ASNS: variants seen among roughly 807,000 people sequenced by gnomAD.
ASNS encodes asparagine synthetase [glutamine-hydrolyzing].
ASNS carries 37 observed loss-of-function variants against 62.6 expected under a neutral mutation model. The observed-to-expected ratio is 0.59, with a 90% CI of 0.45 to 0.78. The LOEUF is 0.78. ASNS is among the 30% of genes least tolerant of loss of function. The probability of loss-of-function intolerance (pLI) is 0.00; values close to 1 mark genes in which losing one functional copy is unlikely to be tolerated. For synonymous variants in ASNS, 207 were observed against 237.9 expected, an observed-to-expected ratio of 0.87 and a Z score of 1.19; for missense variants, 520 against 682.4, an observed-to-expected ratio of 0.76 and a Z score of 2.65.
At chr7:97,900,363 A>AC in the ASNS span, among the ~76,000 whole-genome samples, 1 of 144,810 alleles carries the variant, frequency 6.9e-6, no homozygotes, top group Non-Finnish European at 1.5e-5. Context: ...TTTGTCTCAA[A>AC]AAAAAAAAAA....
chr7:97,892,858 G>A, the ASNS span, among the ~76,000 whole-genome samples: 4 of 152,166 alleles, frequency 2.6e-5, no homozygotes, highest in Non-Finnish European at 4.4e-5. Flanking sequence ...ACATTTTCCT[G>A]TCTCCTTCTG....
the ASNS span, among the ~76,000 whole-genome samples, chr7:97,894,160 AT>A: frequency 2.0e-5 from 3 of 151,784 alleles, no homozygotes; most frequent in South Asian, 4.1e-4. Context: ...GACATCAAAA[AT>A]TTTTTTTAAA....
the ASNS span, among the ~76,000 whole-genome samples, chr7:97,878,261 G>A: frequency 3.3e-5 from 5 of 152,118 alleles, no homozygotes; most frequent in Non-Finnish European, 5.9e-5. Context: ...GGTGGCACAC[G>A]TCTCTAACAA....
the ASNS span, among the ~76,000 whole-genome samples, chr7:97,910,337 A>T: frequency 1.3e-5 from 2 of 152,328 alleles, no homozygotes; most frequent in Admixed American, 6.5e-5. Flanking sequence ...AATAATTTTT[A>T]AAAAGGCACT....
At chr7:97,886,687 TG>T in the ASNS span, among the ~76,000 whole-genome samples, 1 of 152,030 alleles carries the variant, frequency 6.6e-6, no homozygotes, top group Non-Finnish European at 1.5e-5. Flanking sequence ...GACGTGGGGC[TG>T]CCAAATGCAA....
rs764643930 is a variant in ASNS, at chr7:97,867,100, T to C, written c.249+1808A>G. ...CCAAACTCCAATGCTGCACCTTAAA[T>C]AAAAGCCCTCAAATCTTGCCTCCTG... On this transcript the variant is annotated intron_variant, in intron 3 of 12. Coordinates refer to ENST00000394308, the MANE Select transcript of ASNS (RefSeq NM_001673.5). Among the ~76,000 whole-genome samples the C allele has an allele frequency of 2.7e-5, 4 of 150,372 alleles. 1 individual carries two copies. The highest frequency in any genetic ancestry group is 4.5e-5 in the Non-Finnish European group (3 of 67,250).
the ASNS span, among the ~76,000 whole-genome samples, chr7:97,907,379 A>G: frequency 1.6e-3 from 238 of 152,344 alleles, no homozygotes; most frequent in Middle Eastern, 3.4e-3. Flanking sequence ...TGAGTGTGAA[A>G]TATCTCATGG....
intron 4 of ASNS, among the ~76,000 whole-genome samples, chr7:97,862,768 C>CA (rs528357189): frequency 0.01 from 1,302 of 129,248 alleles, 11 homozygotes; most frequent in African/African-American, 0.03. Flanking sequence ...TAAAACTGCT[C>CA]AAAAAAAAAA....
At chr7:97,909,501 G>A in the ASNS span, among the ~76,000 whole-genome samples, 1 of 49,022 alleles carries the variant, frequency 2.0e-5, no homozygotes, top group South Asian at 7.8e-4. Flanking sequence ...TAGAGATGAG[G>A]TTTCATCATG....
chr7:97,874,409 T>C (rs1235617848), upstream of ASNS, among the ~76,000 whole-genome samples: 1 of 152,238 alleles, frequency 6.6e-6, no homozygotes, highest in Non-Finnish European at 1.5e-5. Context: ...TTACAGGTCC[T>C]GAGACGATAT....
At chr7:97,910,171 G>T in the ASNS span, among the ~76,000 whole-genome samples, 1 of 152,196 alleles carries the variant, frequency 6.6e-6, no homozygotes, top group African/African-American at 2.4e-5. Flanking sequence ...CATGAGATCA[G>T]CTGGGAGCTT....
the ASNS span, chr7:97,898,409 A>G: frequency 3.9e-6 from 2 of 517,426 alleles, no homozygotes; most frequent in South Asian, 1.6e-5. Context: ...TCTCGTCCCT[A>G]GTGGGTTTTC....
chr7:97,855,101 C>T (rs552912351), intron 9 of ASNS: 2 of 424,074 alleles, frequency 4.7e-6, no homozygotes, highest in South Asian at 6.9e-5. Context: ...CCTCAGCCTC[C>T]TCAGCAGCTG....
chr7:97,903,904 C>T, the ASNS span, among the ~76,000 whole-genome samples: 1 of 152,128 alleles, frequency 6.6e-6, no homozygotes, highest in Non-Finnish European at 1.5e-5. Flanking sequence ...ATAATTAGTA[C>T]AGGATATATC....
the ASNS span, among the ~76,000 whole-genome samples, chr7:97,878,004 G>C: frequency 6.6e-6 from 1 of 152,206 alleles, no homozygotes; most frequent in Non-Finnish European, 1.5e-5. Flanking sequence ...GCAGGCCTGG[G>C]GAGAGATGAT....
At chr7:97,920,556 T>C in the ASNS span, among the ~76,000 whole-genome samples, 4 of 152,206 alleles carry the variant, frequency 2.6e-5, no homozygotes, top group South Asian at 2.1e-4. Context: ...TGTGCTGCAC[T>C]GTGGGTAACC....
chr7:97,867,614 T>C (rs1265098810), intron 3 of ASNS, among the ~76,000 whole-genome samples: 1 of 152,200 alleles, frequency 6.6e-6, no homozygotes, highest in Non-Finnish European at 1.5e-5. Flanking sequence ...CGTTCTCATG[T>C]ATATGACATT....
intron 6 of ASNS, 83 bp downstream of exon 6, chr7:97,858,771 A>G (rs2115653175): frequency 7.9e-7 from 1 of 1,258,254 alleles, no homozygotes; most frequent in Non-Finnish European, 1.1e-6. Context: ...TAAATATTTT[A>G]TAGTAAAAAC....
chr7:97,888,904 C>T, the ASNS span, among the ~76,000 whole-genome samples: 1 of 152,182 alleles, frequency 6.6e-6, no homozygotes, highest in Admixed American at 6.5e-5. Context: ...ACTGAGAGGC[C>T]TGAGGAAATG....
Sources: gnomAD v4.1 joint callset for allele counts (sites outside exome capture counted in the v4.1 genomes callset) on GRCh38, gnomAD v4.1.1 for gene constraint, MANE v1.5 for transcripts, NCBI Gene and HGNC (gene_info 2026-07-23, HGNC 2026-07-21) for gene names.